The following ARHGAP15 variants were observed in gnomAD, a reference collection of about 807,000 sequenced individuals.
ARHGAP15 encodes the protein Rho GTPase activating protein 15.
A neutral mutation model predicts 63.7 loss-of-function variants in ARHGAP15; 51 were observed. The observed-to-expected ratio is 0.80, with a 90% CI of 0.64 to 1.01. The LOEUF (loss-of-function observed/expected upper bound fraction) is 1.01. Among genes scored for constraint, ARHGAP15 ranks in the 50% least tolerant of loss-of-function variants. ARHGAP15 has a pLI of 0.00. For missense variants in ARHGAP15, 560 were observed against 564.6 expected (o/e 0.99, Z 0.08); for synonymous variants, 191 against 193.8 (o/e 0.99, Z 0.12).
At chr2:143,286,636 T>A in intron 6 of ARHGAP15, among the ~76,000 whole-genome samples, 1 of 152,134 alleles carries the variant, frequency 6.6e-6, no homozygotes, top group East Asian at 1.9e-4. Flanking sequence ...AAGAAGAAAA[T>A]AGAGAAAAAG....
intron 11 of ARHGAP15, among the ~76,000 whole-genome samples, chr2:143,610,473 T>TGACCAATCG (rs1335310847): frequency 6.6e-6 from 1 of 152,228 alleles, no homozygotes; most frequent in Non-Finnish European, 1.5e-5. Context: ...GTCATCTTCC[T>TGACCAATCG]GACCAATCGA....
intron 9 of ARHGAP15, among the ~76,000 whole-genome samples, chr2:143,488,910 G>C (rs11897151): frequency 7.2e-5 from 11 of 152,122 alleles, no homozygotes; most frequent in African/African-American, 2.7e-4. Flanking sequence ...TTTACTCTCC[G>C]ATGCATAATA....
intron 11 of ARHGAP15, among the ~76,000 whole-genome samples, chr2:143,558,736 T>C (rs1695907105): frequency 6.6e-6 from 1 of 152,218 alleles, no homozygotes. Flanking sequence ...ACAATGTGTG[T>C]GGGTGTTGCA....
chr2:143,467,502 T>C (rs1691286731), intron 8 of ARHGAP15, among the ~76,000 whole-genome samples: 1 of 152,036 alleles, frequency 6.6e-6, no homozygotes, highest in Non-Finnish European at 1.5e-5. Context: ...AAATTATATG[T>C]GCAATAAATT....
Position 143,469,695 on chromosome 2 carries a change from A to G in ARHGAP15, c.704-17678A>G, listed in dbSNP as rs577417975. On this transcript the variant is annotated intron_variant, in intron 8 of 13. Coordinates refer to ENST00000295095, the MANE Select transcript of ARHGAP15 (RefSeq NM_018460.4). ...ACACAAGATTTCAGAGACTTAGTAC[A>G]ATGAAAAGGATATGAGATATCTCAT... Among the ~76,000 whole-genome samples, 3 of 152,354 alleles carry G rather than the reference A, an allele frequency of 2.0e-5. No individual in the cohort carries two copies. The East Asian group carries it at 5.8e-4, about 29-fold the overall frequency.
chr2:143,546,632 A>G, intron 10 of ARHGAP15, among the ~76,000 whole-genome samples: 1 of 151,918 alleles, frequency 6.6e-6, no homozygotes, highest in East Asian at 1.9e-4. Context: ...CTACCAGATG[A>G]TAATGGCAGA....
At chr2:143,157,921 C>A (rs1307192640) in intron 2 of ARHGAP15, among the ~76,000 whole-genome samples, 1 of 151,734 alleles carries the variant, frequency 6.6e-6, no homozygotes, top group Non-Finnish European at 1.5e-5. Context: ...AATGTGGGCA[C>A]ATATTCAAAT....
Position 143,455,107 on chromosome 2 carries a change from A to T in ARHGAP15, c.703+18065A>T, listed in dbSNP as rs572971634. On this transcript the variant is annotated intron_variant, in intron 8 of 13. Coordinates refer to ENST00000295095, the MANE Select transcript of ARHGAP15 (RefSeq NM_018460.4). ...AGCAAGATTATTAAGGAAGTAAAGG[A>T]ATAAAAGAATAGCTACTCCATAGAG... is the stretch of plus-strand genomic sequence containing the variant. Among the ~76,000 whole-genome samples, 61 of 152,162 alleles carry T rather than the reference A, an allele frequency of 4.0e-4. No homozygotes were observed. In the South Asian group the frequency reaches 0.011, roughly 28 times the overall value.
intron 13 of ARHGAP15, among the ~76,000 whole-genome samples, chr2:143,739,669 C>T (rs1215918902): frequency 6.6e-6 from 1 of 152,138 alleles, no homozygotes; most frequent in Non-Finnish European, 1.5e-5. Flanking sequence ...TCACTCATGC[C>T]TTCCCATTGG....
intron 6 of ARHGAP15, among the ~76,000 whole-genome samples, chr2:143,260,703 G>T (rs866858032): frequency 6.6e-6 from 1 of 152,116 alleles, no homozygotes; most frequent in African/African-American, 2.4e-5. Flanking sequence ...TTGTGGGTAA[G>T]ATTTTCAATC....
intron 2 of ARHGAP15, among the ~76,000 whole-genome samples, chr2:143,170,133 T>C (rs1292845372): frequency 6.7e-6 from 1 of 149,734 alleles, no homozygotes; most frequent in Admixed American, 6.7e-5. Flanking sequence ...TCTGAACCAT[T>C]ATATTTTAAA....
chr2:143,253,115 G>A (rs1276297618), intron 6 of ARHGAP15, among the ~76,000 whole-genome samples: 2 of 151,992 alleles, frequency 1.3e-5, no homozygotes, highest in Non-Finnish European at 2.9e-5. Context: ...ATGAATTATA[G>A]ATTACAGATA....
At chr2:143,602,103 G>A (rs1231200952) in intron 11 of ARHGAP15, among the ~76,000 whole-genome samples, 3 of 152,072 alleles carry the variant, frequency 2.0e-5, no homozygotes, top group Non-Finnish European at 4.4e-5. Flanking sequence ...ATAGGTGGAG[G>A]TTTAAGGAGA....
At chr2:143,399,950 T>G (rs1687925112) in intron 6 of ARHGAP15, among the ~76,000 whole-genome samples, 1 of 152,208 alleles carries the variant, frequency 6.6e-6, no homozygotes, top group South Asian at 2.1e-4. Context: ...AACAAATATC[T>G]GTTGCAATTT....
At chr2:143,337,400 T>C (rs959593918) in intron 6 of ARHGAP15, among the ~76,000 whole-genome samples, 4 of 152,208 alleles carry the variant, frequency 2.6e-5, no homozygotes, top group Admixed American at 2.6e-4. Flanking sequence ...GTTGTTTTTT[T>C]GGCATGTGGT....
At chr2:143,318,187 T>C (rs2105213602) in intron 6 of ARHGAP15, among the ~76,000 whole-genome samples, 1 of 151,858 alleles carries the variant, frequency 6.6e-6, no homozygotes, top group East Asian at 1.9e-4. Context: ...TTTTTTTTTT[T>C]AGTAGAGACA....
chr2:143,689,489 C>T lies in ARHGAP15; in HGVS notation c.1139-13930C>T, dbSNP rs527347801. On this transcript the variant is annotated intron_variant, in intron 12 of 13. Coordinates refer to ENST00000295095, the MANE Select transcript of ARHGAP15 (RefSeq NM_018460.4). ...GTTGTTGGAAATTTTGTTATGTTTACTCATCTCAAAATGTAGAAATGTATG... is the reference window on the plus strand; with the variant it reads ...GTTGTTGGAAATTTTGTTATGTTTATTCATCTCAAAATGTAGAAATGTATG... Among the ~76,000 whole-genome samples, 5 of 152,266 alleles carry T rather than the reference C, an allele frequency of 3.3e-5. No individual in the cohort carries two copies. The South Asian group carries it at 1.0e-3, about 32-fold the overall frequency.
intron 4 of ARHGAP15, among the ~76,000 whole-genome samples, chr2:143,219,993 G>A (rs780850481): frequency 1.3e-5 from 2 of 151,962 alleles, no homozygotes; most frequent in African/African-American, 4.8e-5. Flanking sequence ...CAAGTTTATG[G>A]GGCTTGTTTT....
At chr2:143,291,578 G>C (rs191981686) in intron 6 of ARHGAP15, among the ~76,000 whole-genome samples, 19 of 152,170 alleles carry the variant, frequency 1.2e-4, no homozygotes, top group African/African-American at 4.3e-4. Context: ...TCTCTTCAGA[G>C]AACCCCAACA....
Sources: allele counts gnomAD v4.1 joint callset (sites outside exome capture counted in the v4.1 genomes callset), GRCh38; gene constraint gnomAD v4.1.1; transcripts MANE v1.5; gene names NCBI Gene and HGNC (gene_info 2026-07-23, HGNC 2026-07-21).